Variants in PLXDC2 observed in about 807,000 individuals in gnomAD.
PLXDC2 encodes the protein plexin domain containing 2.
PLXDC2 carries 40 observed loss-of-function variants against 68.9 expected under a neutral mutation model. That is an observed-to-expected ratio of 0.58 (90% confidence interval 0.45 to 0.76). The LOEUF (loss-of-function observed/expected upper bound fraction) is 0.76. Ranked by LOEUF, PLXDC2 falls within the 30% of genes least tolerant of loss-of-function variation. PLXDC2 has a pLI of 0.00. For synonymous variants in PLXDC2, 243 were observed against 234.2 expected (o/e 1.04, Z -0.34); for missense variants, 644 against 661.9 (o/e 0.97, Z 0.30).
chr10:20,132,341 A>T (rs942216799), intron 4 of PLXDC2, among the ~76,000 whole-genome samples: 1 of 152,158 alleles, frequency 6.6e-6, no homozygotes, highest in Admixed American at 6.5e-5. Context: ...GAAACGTTCT[A>T]TATATCTCTG....
chr10:19,909,051 T>A (rs1277618987), intron 1 of PLXDC2, among the ~76,000 whole-genome samples: 1 of 152,218 alleles, frequency 6.6e-6, no homozygotes, highest in African/African-American at 2.4e-5. Context: ...TGTGTGTTCA[T>A]GAAAATGTCA....
chr10:19,954,634 T>C (rs1013194830), intron 1 of PLXDC2, among the ~76,000 whole-genome samples: 8 of 152,208 alleles, frequency 5.3e-5, no homozygotes, highest in Non-Finnish European at 2.9e-5. Flanking sequence ...TCGGACTGAC[T>C]AAAAAACTAT....
intron 2 of PLXDC2, among the ~76,000 whole-genome samples, chr10:20,032,948 A>G (rs990111098): frequency 1.3e-5 from 2 of 149,612 alleles, no homozygotes; most frequent in African/African-American, 4.9e-5. Context: ...AAGGATCCAC[A>G]CTGCATGTTC....
intron 2 of PLXDC2, among the ~76,000 whole-genome samples, chr10:20,032,319 G>C (rs1835512640): frequency 1.3e-5 from 2 of 152,212 alleles, no homozygotes; most frequent in South Asian, 4.1e-4. Flanking sequence ...ATTGTGGTTG[G>C]TGTGGCATGT....
At chr10:19,923,750 A>T (rs1458251415) in intron 1 of PLXDC2, among the ~76,000 whole-genome samples, 1 of 152,194 alleles carries the variant, frequency 6.6e-6, no homozygotes, top group Admixed American at 6.5e-5. Flanking sequence ...TCTATAACTG[A>T]TTCCCTCCAT....
At chr10:20,189,949 C>T (rs974968455) in intron 9 of PLXDC2, among the ~76,000 whole-genome samples, 7 of 151,684 alleles carry the variant, frequency 4.6e-5, no homozygotes, top group African/African-American at 1.7e-4. Context: ...AAGCCAAGTT[C>T]TCCTAATAAC....
intron 1 of PLXDC2, among the ~76,000 whole-genome samples, chr10:19,865,601 C>T (rs184084042): frequency 7.9e-5 from 12 of 152,218 alleles, no homozygotes; most frequent in Admixed American, 6.6e-4. Flanking sequence ...AAAAAAACGT[C>T]GAAAGTACCT....
At chr10:19,907,947 C>T (rs1833197297) in intron 1 of PLXDC2, among the ~76,000 whole-genome samples, 1 of 152,116 alleles carries the variant, frequency 6.6e-6, no homozygotes, top group African/African-American at 2.4e-5. Flanking sequence ...CACATGGGCA[C>T]CAGCTACTGA....
intron 1 of PLXDC2, among the ~76,000 whole-genome samples, chr10:19,952,004 G>A (rs570622369): frequency 6.6e-6 from 1 of 152,150 alleles, no homozygotes; most frequent in Non-Finnish European, 1.5e-5. Context: ...CGGTGAGGGG[G>A]GAAGGAAGGG....
intron 1 of PLXDC2, among the ~76,000 whole-genome samples, chr10:19,848,065 A>C (rs1564608127): frequency 6.6e-6 from 1 of 152,102 alleles, no homozygotes; most frequent in Non-Finnish European, 1.5e-5. Flanking sequence ...CATGCCTGTA[A>C]TCCCAGTATT....
intron 1 of PLXDC2, among the ~76,000 whole-genome samples, chr10:19,928,419 G>A (rs1195998705): frequency 6.6e-6 from 1 of 152,144 alleles, no homozygotes; most frequent in Admixed American, 6.5e-5. Flanking sequence ...AGATACTAGG[G>A]TAAATTGAGT....
intron 9 of PLXDC2, among the ~76,000 whole-genome samples, chr10:20,206,980 G>A (rs1835002582): frequency 6.6e-6 from 1 of 151,924 alleles, no homozygotes; most frequent in Non-Finnish European, 1.5e-5. Flanking sequence ...TTTCCTAGTG[G>A]TTTATACAAC....
chr10:20,140,405 A>AATATCTATCTATCATC (rs201306989), intron 4 of PLXDC2, among the ~76,000 whole-genome samples: 2 of 12,534 alleles, frequency 1.6e-4, no homozygotes, highest in Non-Finnish European at 6.1e-4. Context: ...TATATATAAA[A>AATATCTATCTATCATC]TATCTATCTA....
chr10:20,277,661 G>T (rs146822334), intron 13 of PLXDC2, among the ~76,000 whole-genome samples: 1 of 152,134 alleles, frequency 6.6e-6, no homozygotes, highest in South Asian at 2.1e-4. Flanking sequence ...TTTGCTTGGC[G>T]TTGTTATGAC....
At chr10:20,169,138 G>A (rs750136652) in intron 7 of PLXDC2, among the ~76,000 whole-genome samples, 1 of 152,094 alleles carries the variant, frequency 6.6e-6, no homozygotes, top group African/African-American at 2.4e-5. Flanking sequence ...GTAAAATGGT[G>A]CTAAACGTCC....
chr10:20,275,231 T>C (rs1419783716), intron 13 of PLXDC2, among the ~76,000 whole-genome samples: 4 of 152,080 alleles, frequency 2.6e-5, no homozygotes, highest in South Asian at 2.1e-4. Context: ...GAGGAGTTTC[T>C]GTTAGAAGAG....
At chr10:20,250,778 T>A (rs1835665621) in intron 13 of PLXDC2, among the ~76,000 whole-genome samples, 1 of 152,216 alleles carries the variant, frequency 6.6e-6, no homozygotes, top group South Asian at 2.1e-4. Context: ...AAGAAATGAA[T>A]GGTATAAAAG....
intron 1 of PLXDC2, among the ~76,000 whole-genome samples, chr10:19,867,629 T>G (rs1213667205): frequency 6.6e-6 from 1 of 152,170 alleles, no homozygotes; most frequent in African/African-American, 2.4e-5. Context: ...AATTTTTCCT[T>G]TATTTCCATG....
At chr10:20,247,970 A>C (rs1205185260) in intron 13 of PLXDC2, among the ~76,000 whole-genome samples, 1 of 152,204 alleles carries the variant, frequency 6.6e-6, no homozygotes, top group Non-Finnish European at 1.5e-5. Flanking sequence ...TCTTGGAAGA[A>C]AGTAGACAAC....
Sources: allele counts gnomAD v4.1 joint callset (sites outside exome capture counted in the v4.1 genomes callset), GRCh38; gene constraint gnomAD v4.1.1; transcripts MANE v1.5; gene names NCBI Gene and HGNC (gene_info 2026-07-23, HGNC 2026-07-21).